FBN1: variants seen among roughly 807,000 people sequenced by gnomAD.
The protein encoded by FBN1 is fibrillin 1, also known as fibrillin-1.
FBN1 carries 29 observed loss-of-function variants against 365.1 expected under a neutral mutation model. The ratio of observed to expected loss-of-function variants is 0.08; its 90% CI spans 0.06 to 0.11. The LOEUF (loss-of-function observed/expected upper bound fraction) is 0.11. Among genes scored for constraint, FBN1 ranks in the 10% least tolerant of loss-of-function variants. The pLI, the probability that FBN1 is intolerant of heterozygous loss-of-function variation, is 1.00. For synonymous variants in FBN1, 1,210 were observed against 1,270.5 expected (o/e 0.95, Z 1.01); for missense variants, 2,476 against 3,703.2 (o/e 0.67, Z 8.60).
chr15:48,473,814 A>T (rs2043396760), intron 34 of FBN1, among the ~76,000 whole-genome samples: 1 of 152,074 alleles, frequency 6.6e-6, no homozygotes, highest in African/African-American at 2.4e-5. Context: ...AGGCAAAAAA[A>T]AAATAATAAT....
intron 51 of FBN1, 157 bp from the exon 52 acceptor site, chr15:48,437,544 C>T: frequency 1.2e-6 from 1 of 821,554 alleles, no homozygotes; most frequent in Non-Finnish European, 2.0e-6. Flanking sequence ...TAACGAGACT[C>T]CCTAAGATGT....
intron 31 of FBN1, among the ~76,000 whole-genome samples, chr15:48,482,587 T>C (rs1401674809): frequency 6.6e-6 from 1 of 152,096 alleles, no homozygotes; most frequent in East Asian, 1.9e-4. Flanking sequence ...GTCCTTGAGT[T>C]GAGGAGATGA....
Position 48,465,861 on chromosome 15 carries a change from A to G in FBN1, c.4748-3T>C, listed in dbSNP as rs770762644. On this transcript the variant is annotated splice_region_variant and splice_polypyrimidine_tract_variant and intron_variant, in intron 38 of 65. Coordinates refer to ENST00000316623, the MANE Select transcript of FBN1 (RefSeq NM_000138.5). ...AGGACAAAGAATTTTGTACTCGGCTATTGAAACAAAAATTCAAATTGAGTT... is the reference window on the plus strand; with the variant it reads ...AGGACAAAGAATTTTGTACTCGGCTGTTGAAACAAAAATTCAAATTGAGTT... 37 of 1,608,600 alleles carry G rather than the reference A, an allele frequency of 2.3e-5. 1 individual carries two copies. In the South Asian group the frequency reaches 3.2e-4, roughly 14 times the overall value.
chr15:48,516,145 A>G, intron 11 of FBN1, 38 bp downstream of exon 11: 1 of 1,566,310 alleles, frequency 6.4e-7, no homozygotes, highest in Non-Finnish European at 8.8e-7. Flanking sequence ...AACTTGAACA[A>G]TGCAAGAAAA....
At chr15:48,440,909 A>AAC (rs2043108579) in intron 50 of FBN1, among the ~76,000 whole-genome samples, 2 of 151,536 alleles carry the variant, frequency 1.3e-5, no homozygotes, top group South Asian at 2.1e-4. Flanking sequence ...TGAAAAAAAA[A>AAC]AAAAACCCAA....
rs58518275 is a variant in FBN1, at chr15:48,466,951, A to T, written c.4747+987T>A. 0.016 allele frequency among the ~76,000 whole-genome samples: 2,473 copies of T among 152,100 alleles called. 201 individuals are homozygous for T. The East Asian group carries it at 0.24, about 15-fold the overall frequency. On this transcript the variant is annotated intron_variant, in intron 38 of 65. Coordinates refer to ENST00000316623, the MANE Select transcript of FBN1 (RefSeq NM_000138.5). ...AGAACTGACCTCCCTTTCTGAAGAG[A>T]AGAGAGAAGGAGGAGCCAGCTGAGC...
In FBN1 at chr15:48,534,208, G is replaced by A; in HGVS notation, c.737-3C>T. 6.2e-7 allele frequency: 1 copy of A among 1,609,216 alleles called. No homozygotes were observed. Among genetic ancestry groups the A allele is most frequent in the Non-Finnish European group, 8.5e-7 (1 of 1,177,828 alleles). On this transcript the variant is annotated splice_polypyrimidine_tract_variant and splice_region_variant and intron_variant, in intron 7 of 65. Coordinates refer to ENST00000316623, the MANE Select transcript of FBN1 (RefSeq NM_000138.5). The stretch of plus-strand genomic sequence containing the variant: ...GATGGCCTGGCATTCATCCACATCT[G>A]TCAGATTACAGAAGACAGAGAGAAA...
intron 6 of FBN1, among the ~76,000 whole-genome samples, chr15:48,557,291 G>A (rs1309301007): frequency 6.6e-6 from 1 of 152,112 alleles, no homozygotes; most frequent in African/African-American, 2.4e-5. Context: ...TTTGCCCAAG[G>A]TCACACAGCC....
At position 48,495,470 on chromosome 15, in the gene FBN1, T is replaced by G; in HGVS notation, c.2538A>C (p.Ile846=). The change falls in exon 21 of 66, where the codon ATA becomes ATC. Residue 846 remains isoleucine, a splice_region_variant and synonymous_variant. Transcript: ENST00000316623. ...AATCATTCTCAGAAAGATAAATACC[T>G]ATGCAGATGGTTTTTGTTGGATCCA... ...STLDPTKTIC[I]ETIKGTCWQT... is the part of the protein sequence containing the mutation. The G allele has an allele frequency of 6.2e-7, 1 of 1,613,936 alleles. No individual in the cohort carries two copies. The highest frequency in any genetic ancestry group is 1.1e-5 in the South Asian group (1 of 91,028).
At chr15:48,435,774 G>GTGTGTATATATATGTATATA (rs1566895698) in intron 53 of FBN1, among the ~76,000 whole-genome samples, 4,010 of 35,220 alleles carry the variant, frequency 0.11, 289 homozygotes, top group African/African-American at 0.27. Context: ...ATGTGTATAT[G>GTGTGTATATATATGTATATA]TGTGTGTGTG....
chr15:48,602,382 C>T (rs1453917143), intron 4 of FBN1, among the ~76,000 whole-genome samples: 1 of 152,122 alleles, frequency 6.6e-6, no homozygotes, highest in Non-Finnish European at 1.5e-5. Context: ...AGTGGGAGAG[C>T]ATTAATTATG....
intron 63 of FBN1, among the ~76,000 whole-genome samples, chr15:48,418,125 G>T (rs1400230192): frequency 6.6e-6 from 1 of 151,938 alleles, no homozygotes; most frequent in African/African-American, 2.4e-5. Flanking sequence ...TTTTTTTATA[G>T]CAAAAAAAGA....
intron 6 of FBN1, among the ~76,000 whole-genome samples, chr15:48,541,069 A>G (rs1327670177): frequency 1.3e-5 from 2 of 152,130 alleles, no homozygotes; most frequent in African/African-American, 4.8e-5. Context: ...CCACTGATTC[A>G]TAACTTCACA....
chr15:48,452,933 G>C (rs1289169908), intron 44 of FBN1, among the ~76,000 whole-genome samples: 1 of 152,088 alleles, frequency 6.6e-6, no homozygotes, highest in Non-Finnish European at 1.5e-5. Context: ...AAAAAGAAAT[G>C]AGCTATCAAG....
At chr15:48,483,281 A>C (rs1194710346) in intron 31 of FBN1, among the ~76,000 whole-genome samples, 1 of 152,228 alleles carries the variant, frequency 6.6e-6, no homozygotes, top group Non-Finnish European at 1.5e-5. Context: ...GCAGAGACAC[A>C]GAATATATGA....
intron 6 of FBN1, among the ~76,000 whole-genome samples, chr15:48,545,126 T>C (rs955076055): frequency 2.0e-5 from 3 of 152,346 alleles, no homozygotes; most frequent in East Asian, 1.9e-4. Context: ...TGTTCTTTTA[T>C]ATTTTTTCAA....
intron 6 of FBN1, among the ~76,000 whole-genome samples, chr15:48,589,683 G>A (rs915049387): frequency 4.3e-5 from 6 of 138,032 alleles, no homozygotes; most frequent in African/African-American, 1.8e-4. Context: ...GCGTGATCTC[G>A]GCTCACTGCA....
chr15:48,637,679 CAG>C lies in FBN1; in HGVS notation c.164+6925_164+6926del, dbSNP rs369739626. Among the ~76,000 whole-genome samples the C allele has an allele frequency of 2.4e-3, 360 of 152,312 alleles. 3 individuals are homozygous for C. The highest frequency in any genetic ancestry group is 8.2e-3 in the African/African-American group (339 of 41,572). ...AGTTAATCAGCTCATCAAAATTGCT[CAG>C]AGTTCAACTATCAAAAACTATTCTA... On this transcript the variant is annotated intron_variant, in intron 2 of 65. Coordinates refer to ENST00000316623, the MANE Select transcript of FBN1 (RefSeq NM_000138.5).
intron 9 of FBN1, among the ~76,000 whole-genome samples, chr15:48,524,517 G>A (rs1002712642): frequency 6.6e-6 from 1 of 152,214 alleles, no homozygotes; most frequent in Non-Finnish European, 1.5e-5. Flanking sequence ...CCAGAAGGCA[G>A]AAAGGTCACT....
Sources: gnomAD v4.1 joint callset for allele counts (sites outside exome capture counted in the v4.1 genomes callset) on GRCh38, gnomAD v4.1.1 for gene constraint, MANE v1.5 for transcripts, NCBI Gene and HGNC (gene_info 2026-07-23, HGNC 2026-07-21) for gene names.